The following PARD3B variants were observed in gnomAD, a reference collection of about 807,000 sequenced individuals.
The protein encoded by PARD3B is partitioning defective 3 homolog B.
PARD3B carries 103 observed loss-of-function variants against 130.2 expected under a neutral mutation model. The ratio of observed to expected loss-of-function variants is 0.79; its 90% CI spans 0.67 to 0.93. The LOEUF (loss-of-function observed/expected upper bound fraction) is 0.93, where lower values mean the gene tolerates loss of function less well. Among genes scored for constraint, PARD3B ranks in the 40% least tolerant of loss-of-function variants. The pLI is 0.00. For synonymous variants in PARD3B, 583 were observed against 553.2 expected (o/e 1.05, Z -0.76); for missense variants, 1,609 against 1,499.2 (o/e 1.07, Z -1.21).
intron 19 of PARD3B, among the ~76,000 whole-genome samples, chr2:205,430,520 G>A (rs541429344): frequency 8.5e-5 from 13 of 152,236 alleles, no homozygotes; most frequent in Admixed American, 5.9e-4. Flanking sequence ...TGTAGCTAGC[G>A]GCTGCTGTAG....
chr2:205,031,522 G>A (rs1419852720), intron 3 of PARD3B, among the ~76,000 whole-genome samples: 2 of 152,118 alleles, frequency 1.3e-5, no homozygotes, highest in Non-Finnish European at 2.9e-5. Flanking sequence ...CTTAGATACT[G>A]GCCTCTTATC....
intron 2 of PARD3B, among the ~76,000 whole-genome samples, chr2:204,727,797 G>A (rs771736557): frequency 3.3e-5 from 5 of 152,136 alleles, no homozygotes; most frequent in Non-Finnish European, 7.4e-5. Context: ...AATGGCATTG[G>A]CATGATCAGT....
chr2:204,817,083 T>C (rs771441104), intron 2 of PARD3B, among the ~76,000 whole-genome samples: 1 of 152,158 alleles, frequency 6.6e-6, no homozygotes, highest in Admixed American at 6.6e-5. Flanking sequence ...GGGCTCTTTT[T>C]ATATATTACA....
chr2:205,489,921 G>A (rs964001555), intron 20 of PARD3B, among the ~76,000 whole-genome samples: 5 of 152,254 alleles, frequency 3.3e-5, no homozygotes, highest in Non-Finnish European at 7.4e-5. Flanking sequence ...CAAAGGTAGA[G>A]CAATGCCTTT....
intron 18 of PARD3B, among the ~76,000 whole-genome samples, chr2:205,342,229 G>A (rs2043569270): frequency 6.6e-6 from 1 of 152,114 alleles, no homozygotes; most frequent in Admixed American, 6.6e-5. Context: ...ATAGGCATTA[G>A]GAAGATGTAA....
At chr2:205,489,569 C>CATATAT (rs753440209) in intron 20 of PARD3B, among the ~76,000 whole-genome samples, 1 of 133,770 alleles carries the variant, frequency 7.5e-6, no homozygotes, top group Non-Finnish European at 1.5e-5. Context: ...CATATATATA[C>CATATAT]ACACACACAC....
At chr2:205,206,803 A>T (rs1379381742) in intron 15 of PARD3B, among the ~76,000 whole-genome samples, 1 of 151,950 alleles carries the variant, frequency 6.6e-6, no homozygotes, top group Non-Finnish European at 1.5e-5. Context: ...CATTAGACAG[A>T]TCAACGAGAC....
chr2:204,849,410 G>C (rs1456428879), intron 2 of PARD3B, among the ~76,000 whole-genome samples: 2 of 152,118 alleles, frequency 1.3e-5, no homozygotes, highest in Non-Finnish European at 2.9e-5. Context: ...ATATGACTAG[G>C]CTGAATATTA....
chr2:205,132,477 C>T (rs2032092146), intron 10 of PARD3B, among the ~76,000 whole-genome samples: 1 of 152,230 alleles, frequency 6.6e-6, no homozygotes, highest in South Asian at 2.1e-4. Context: ...GGACACTCCT[C>T]TCCTCCCTTT....
At chr2:204,572,650 A>G (rs1234340885) in intron 1 of PARD3B, among the ~76,000 whole-genome samples, 2 of 152,158 alleles carry the variant, frequency 1.3e-5, no homozygotes, top group Non-Finnish European at 2.9e-5. Flanking sequence ...TTTCCTGACA[A>G]TATCTTAGTT....
rs143711270 is a variant in PARD3B at position 205,197,990 on chromosome 2, G to A, written c.2140+4670G>A. Among the ~76,000 whole-genome samples, 98 of 152,284 alleles carry A rather than the reference G, an allele frequency of 6.4e-4. 1 individual carries two copies. The highest frequency in any genetic ancestry group is 2.3e-3 in the African/African-American group (96 of 41,574). On this transcript the variant is annotated intron_variant, in intron 15 of 22. Transcript: ENST00000406610. ...TTACATTCAAAGACTTTTTGATGAG[G>A]CATAAAAATCTTTAATTTCCAGGCT...
intron 10 of PARD3B, among the ~76,000 whole-genome samples, chr2:205,132,287 C>T (rs188501526): frequency 6.6e-6 from 1 of 152,132 alleles, no homozygotes; most frequent in African/African-American, 2.4e-5. Flanking sequence ...TCAATAATTC[C>T]AAAGTTTTTA....
intron 20 of PARD3B, among the ~76,000 whole-genome samples, chr2:205,442,150 T>G (rs1171524875): frequency 1.3e-5 from 2 of 152,198 alleles, no homozygotes; most frequent in Non-Finnish European, 2.9e-5. Context: ...GGACTGTTTA[T>G]AGGAACCTCT....
At chr2:205,299,098 T>C (rs1290380624) in intron 16 of PARD3B, among the ~76,000 whole-genome samples, 1 of 152,216 alleles carries the variant, frequency 6.6e-6, no homozygotes, top group Non-Finnish European at 1.5e-5. Context: ...ATTACGATTA[T>C]TCATTATGTT....
intron 18 of PARD3B, among the ~76,000 whole-genome samples, chr2:205,319,069 G>A (rs1031593213): frequency 2.7e-4 from 41 of 151,956 alleles, no homozygotes; most frequent in Admixed American, 2.0e-3. Flanking sequence ...GTTCCTCCTG[G>A]TCCTCTGTGA....
intron 2 of PARD3B, among the ~76,000 whole-genome samples, chr2:204,698,322 G>T (rs539423881): frequency 1.2e-4 from 18 of 152,152 alleles, no homozygotes; most frequent in African/African-American, 4.1e-4. Flanking sequence ...TTTTCAGATT[G>T]TTGTTCACAT....
chr2:205,511,262 G>A (rs907152527), intron 21 of PARD3B, among the ~76,000 whole-genome samples: 2 of 152,098 alleles, frequency 1.3e-5, no homozygotes, highest in African/African-American at 4.8e-5. Flanking sequence ...AATCAAATAA[G>A]TTACCCATCT....
chr2:205,312,306 G>A (rs1304008335), intron 18 of PARD3B, among the ~76,000 whole-genome samples: 4 of 152,194 alleles, frequency 2.6e-5, no homozygotes, highest in Admixed American at 2.0e-4. Flanking sequence ...ACAGGCTAGA[G>A]TTAAGGTGCT....
At chr2:204,589,956 T>C (rs2033005118) in intron 1 of PARD3B, among the ~76,000 whole-genome samples, 1 of 152,176 alleles carries the variant, frequency 6.6e-6, no homozygotes, top group African/African-American at 2.4e-5. Context: ...TAGTCTGCCA[T>C]TGATCGATTA....
Sources: gnomAD v4.1 joint callset for allele counts (sites outside exome capture counted in the v4.1 genomes callset) on GRCh38, gnomAD v4.1.1 for gene constraint, MANE v1.5 for transcripts, NCBI Gene and HGNC (gene_info 2026-07-23, HGNC 2026-07-21) for gene names.